DGKH: variants seen among roughly 807,000 people sequenced by gnomAD.
The protein encoded by DGKH is DAG kinase eta.
In DGKH, 90 loss-of-function variants were observed where a neutral mutation model predicts 159.3. The ratio of observed to expected loss-of-function variants is 0.57; its 90% CI spans 0.48 to 0.67. The LOEUF (loss-of-function observed/expected upper bound fraction) is 0.67, where lower values mean the gene tolerates loss of function less well. Ranked by LOEUF, DGKH falls within the 30% of genes least tolerant of loss-of-function variation. DGKH has a pLI of 0.00. For synonymous variants in DGKH, 536 were observed against 553.8 expected, an observed-to-expected ratio of 0.97 and a Z score of 0.45; for missense variants, 1,181 against 1,506.1, an observed-to-expected ratio of 0.78 and a Z score of 3.57.
At chr13:42,124,366 C>T (rs1955130992) in intron 1 of DGKH, among the ~76,000 whole-genome samples, 1 of 152,108 alleles carries the variant, frequency 6.6e-6, no homozygotes, top group Non-Finnish European at 1.5e-5. Context: ...TTTAAAAATA[C>T]CTTTGTTATG....
chr13:42,056,755 CAT>C (rs1491320936), intron 1 of DGKH, among the ~76,000 whole-genome samples: 47 of 152,268 alleles, frequency 3.1e-4, no homozygotes, highest in African/African-American at 9.4e-4. Flanking sequence ...AGCATGCAAT[CAT>C]GTGTGTGTGC....
At chr13:42,170,327 C>T (rs923435554) in intron 11 of DGKH, among the ~76,000 whole-genome samples, 14 of 152,184 alleles carry the variant, frequency 9.2e-5, no homozygotes, top group African/African-American at 3.1e-4. Context: ...GTGGGAGGAT[C>T]ACTTGAGCCC....
chr13:42,227,940 A>G (rs1164504552), intron 29 of DGKH, among the ~76,000 whole-genome samples: 1 of 152,206 alleles, frequency 6.6e-6, no homozygotes, highest in Non-Finnish European at 1.5e-5. Flanking sequence ...AGGTTATTTT[A>G]TAACCCTGTT....
At chr13:42,066,472 A>ATAACAAAAAACACTACATGTATGTACT (rs1456042807) in intron 1 of DGKH, 3 of 152,250 alleles carry the variant, frequency 2.0e-5, no homozygotes, top group African/African-American at 7.2e-5. Flanking sequence ...ATATTTTCAC[A>ATAACAAAAAACACTACATGTATGTACT]TAACAAAAAA....
chr13:42,049,055 G>A, intron 1 of DGKH, 90 bp downstream of exon 1: 1 of 50,964 alleles, frequency 2.0e-5, no homozygotes, highest in East Asian at 2.0e-4. Context: ...GCGATCCCGG[G>A]AAGGCGGGGA....
chr13:42,195,012 C>T lies in DGKH; in HGVS notation c.2163C>T (p.Cys721=). 1 of 1,613,294 alleles carries T rather than the reference C, an allele frequency of 6.2e-7. No individual in the cohort carries two copies. Among genetic ancestry groups the T allele is most frequent in the Non-Finnish European group, 8.5e-7 (1 of 1,179,694 alleles). Residue 721 remains cysteine, a synonymous_variant, in exon 17 of 30, where the codon TGC becomes TGT. Coordinates refer to ENST00000337343, the MANE Select transcript of DGKH (RefSeq NM_178009.5). The stretch of plus-strand genomic sequence containing the variant: ...CTGTGCTCAATACCAGAATAATCTG[C>T]CCAGGTAGTACAGATTCTGAAACAT... ...NLPVLNTRII[C]PGLRAGLAAS... is the part of the protein sequence containing the mutation.
chr13:42,055,121 T>C (rs1881657958), intron 1 of DGKH, among the ~76,000 whole-genome samples: 2 of 152,206 alleles, frequency 1.3e-5, no homozygotes, highest in African/African-American at 4.8e-5. Flanking sequence ...CGGCAGGATA[T>C]GGCCCATGGA....
At chr13:42,041,469 A>G (rs1880501440) in intron 1 of DGKH, among the ~76,000 whole-genome samples, 1 of 152,210 alleles carries the variant, frequency 6.6e-6, no homozygotes, top group African/African-American at 2.4e-5. Flanking sequence ...ACGAAGCAGA[A>G]AGCTGACTTC....
chr13:42,051,953 C>T (rs1050590335), intron 1 of DGKH, among the ~76,000 whole-genome samples: 3 of 152,192 alleles, frequency 2.0e-5, no homozygotes, highest in African/African-American at 4.8e-5. Context: ...GGGTGAGCCA[C>T]GGCCTCAGCC....
intron 1 of DGKH, among the ~76,000 whole-genome samples, chr13:42,062,950 A>C (rs776030427): frequency 6.6e-6 from 1 of 152,136 alleles, no homozygotes; most frequent in Non-Finnish European, 1.5e-5. Flanking sequence ...GTTCTTAGCT[A>C]TTATGGGAAG....
intron 1 of DGKH, among the ~76,000 whole-genome samples, chr13:42,125,591 G>A (rs372051899): frequency 1.7e-4 from 26 of 152,306 alleles, no homozygotes; most frequent in African/African-American, 6.0e-4. Flanking sequence ...TTTCAAAAGT[G>A]TTTTGTTACG....
Position 42,239,420 on chromosome 13 carries a change from T to G in DGKH, c.*10232T>G, listed in dbSNP as rs1277818441. On this transcript the variant is annotated 3_prime_UTR_variant, in exon 30 of 30. Coordinates refer to ENST00000337343, the MANE Select transcript of DGKH (RefSeq NM_178009.5). Reference sequence around the variant, plus strand: ...TAAAGTATGGAATAACACAAATGCTTAATCTTAATCTTGGCTTTGGATTTT... The same window carrying G: ...TAAAGTATGGAATAACACAAATGCTGAATCTTAATCTTGGCTTTGGATTTT... 1.3e-5 allele frequency: 2 copies of G among 152,624 alleles called. No homozygotes were observed. Among genetic ancestry groups the G allele is most frequent in the Non-Finnish European group, 2.9e-5 (2 of 68,014 alleles). 9.5% of individuals were successfully genotyped at this position (152,624 alleles called of 1,614,324 possible). A position where few individuals can be genotyped will look rare whatever the true frequency, so the allele number is the denominator to read the frequency against.
intron 1 of DGKH, among the ~76,000 whole-genome samples, chr13:42,096,196 C>T (rs944105593): frequency 6.6e-6 from 1 of 151,708 alleles, no homozygotes; most frequent in African/African-American, 2.4e-5. Context: ...TCCTGTCACC[C>T]AGGTACTGAA....
intron 29 of DGKH, among the ~76,000 whole-genome samples, chr13:42,252,001 A>G (rs1313209679): frequency 6.6e-6 from 1 of 152,204 alleles, no homozygotes; most frequent in Non-Finnish European, 1.5e-5. Flanking sequence ...TGAATGGGTG[A>G]GGAGAGTATT....
chr13:42,201,947 A>T (rs1490673924), intron 20 of DGKH, among the ~76,000 whole-genome samples: 2 of 152,170 alleles, frequency 1.3e-5, no homozygotes, highest in Non-Finnish European at 2.9e-5. Flanking sequence ...GGTGTTACTA[A>T]TGCCTTTTTT....
chr13:42,214,715 T>C, intron 25 of DGKH, 103 bp downstream of exon 25: 1 of 1,081,824 alleles, frequency 9.2e-7, no homozygotes, highest in Non-Finnish European at 1.3e-6. Flanking sequence ...GAAAGTTATG[T>C]TGTCTATATG....
intron 17 of DGKH, among the ~76,000 whole-genome samples, chr13:42,197,383 A>G (rs1452891157): frequency 2.6e-5 from 4 of 151,784 alleles, no homozygotes; most frequent in Non-Finnish European, 5.9e-5. Context: ...TTACTTGTTT[A>G]GACATAAGGG....
In DGKH at chr13:42,241,118, A is replaced by C. The variant is rs1958506060; in HGVS notation, c.*11930A>C. On this transcript the variant is annotated 3_prime_UTR_variant, in exon 30 of 30. Coordinates refer to ENST00000337343, the MANE Select transcript of DGKH (RefSeq NM_178009.5). ...CAGAGTGAGACTCTGTCTCAAAAAA[A>C]AGAAAAAAAATCAAAATAATTGTAA... 3 of 151,970 alleles carry C rather than the reference A, an allele frequency of 2.0e-5. No homozygotes were observed. The highest frequency in any genetic ancestry group is 4.4e-5 in the Non-Finnish European group (3 of 68,028). 9.4% of individuals were successfully genotyped at this position (151,970 alleles called of 1,614,324 possible). A position where few individuals can be genotyped will look rare whatever the true frequency, so the allele number is the denominator to read the frequency against.
intron 1 of DGKH, chr13:42,069,253 T>G (rs1327522470): frequency 9.0e-7 from 1 of 1,105,740 alleles, no homozygotes; most frequent in African/African-American, 1.6e-5. Context: ...TCATCCTTTC[T>G]TACTTCACAA....
Sources: gnomAD v4.1 joint callset for allele counts (sites outside exome capture counted in the v4.1 genomes callset) on GRCh38, gnomAD v4.1.1 for gene constraint, MANE v1.5 for transcripts, NCBI Gene and HGNC (gene_info 2026-07-23, HGNC 2026-07-21) for gene names.